The following CUX1 variants were observed in gnomAD, a reference collection of about 807,000 sequenced individuals.
CUX1 encodes protein CASP.
Under a neutral mutation model 158.8 loss-of-function variants are expected in CUX1, and 31 were observed. That is an observed-to-expected ratio of 0.20 (90% CI 0.15 to 0.26). The LOEUF (loss-of-function observed/expected upper bound fraction) is 0.26, where lower values mean the gene tolerates loss of function less well. Ranked by LOEUF, CUX1 falls within the 10% of genes least tolerant of loss-of-function variation. CUX1 has a pLI of 1.00. For missense variants in CUX1, 1,589 were observed against 2,014.6 expected, an observed-to-expected ratio of 0.79 and a Z score of 4.04; for synonymous variants, 879 against 862.1, an observed-to-expected ratio of 1.02 and a Z score of -0.34.
intron 2 of CUX1, among the ~76,000 whole-genome samples, chr7:102,007,201 G>T (rs997122485): frequency 6.6e-6 from 1 of 152,172 alleles, no homozygotes; most frequent in African/African-American, 2.4e-5. Flanking sequence ...GAGTGCAGGG[G>T]CGCGATCCTG....
chr7:102,043,172 A>C (rs1822319155), intron 3 of CUX1, among the ~76,000 whole-genome samples: 1 of 151,916 alleles, frequency 6.6e-6, no homozygotes. Flanking sequence ...GCTGGTCTTG[A>C]ACTCCTGACC....
At position 101,949,593 on chromosome 7, in the gene CUX1, C is replaced by T. The variant is rs994096076; in HGVS notation, c.141+33368C>T. Among the ~76,000 whole-genome samples the T allele has an allele frequency of 7.3e-5, 11 of 150,094 alleles. No individual in the cohort carries two copies. In the East Asian group the frequency reaches 7.9e-4, roughly 11 times the overall value. On this transcript the variant is annotated intron_variant, in intron 2 of 23. Coordinates refer to ENST00000292535, the MANE Select transcript of CUX1 (RefSeq NM_181552.4). ...TCGCCCAGGCTGGAATGTAGTGGCA[C>T]GATATTGGCTCACTGCAACCTCCAC...
At chr7:101,889,103 A>C (rs72603510) in intron 1 of CUX1, among the ~76,000 whole-genome samples, 28,419 of 151,164 alleles carry the variant, frequency 0.19, 4,343 homozygotes, top group East Asian at 0.84. Flanking sequence ...CCGTCTCTAC[A>C]AGAAAATTAA....
At chr7:102,015,820 T>G (rs1818520425) in intron 2 of CUX1, among the ~76,000 whole-genome samples, 1 of 152,118 alleles carries the variant, frequency 6.6e-6, no homozygotes, top group Non-Finnish European at 1.5e-5. Context: ...TCTTTTTTTC[T>G]TTTTCTTTTT....
At chr7:102,162,727 G>T (rs1240112128) in intron 9 of CUX1, among the ~76,000 whole-genome samples, 1 of 152,044 alleles carries the variant, frequency 6.6e-6, no homozygotes, top group Non-Finnish European at 1.5e-5. Context: ...GTTTGCCCAG[G>T]CTGCTCTTGA....
At chr7:101,996,631 T>A (rs1291121640) in intron 2 of CUX1, among the ~76,000 whole-genome samples, 1 of 145,030 alleles carries the variant, frequency 6.9e-6, no homozygotes, top group Admixed American at 6.9e-5. Context: ...CCTCCCTCCC[T>A]CCCTCATTTC....
chr7:102,026,274 A>G (rs1261129051), intron 2 of CUX1, among the ~76,000 whole-genome samples: 5 of 152,218 alleles, frequency 3.3e-5, no homozygotes, highest in African/African-American at 9.6e-5. Flanking sequence ...AGTAGCCACC[A>G]GCAACGGGTG....
intron 1 of CUX1, among the ~76,000 whole-genome samples, chr7:101,883,597 G>T (rs199773099): frequency 1.7e-5 from 1 of 59,592 alleles, no homozygotes; most frequent in East Asian, 8.9e-3. Flanking sequence ...ATTTTTTTTT[G>T]AAATTTTAAA....
intron 1 of CUX1, among the ~76,000 whole-genome samples, chr7:101,852,753 T>C (rs1448197336): frequency 1.4e-5 from 2 of 139,762 alleles, no homozygotes; most frequent in African/African-American, 5.2e-5. Flanking sequence ...CTTGGTTCAC[T>C]GCAACCTCCA....
chr7:102,214,058 C>T (rs1796807467), intron 20 of CUX1, among the ~76,000 whole-genome samples: 1 of 152,022 alleles, frequency 6.6e-6, no homozygotes, highest in Non-Finnish European at 1.5e-5. Context: ...TTAACTCGAA[C>T]CCAGAGGTGG....
chr7:102,131,780 C>A (rs1267944422), intron 8 of CUX1, among the ~76,000 whole-genome samples: 2 of 151,298 alleles, frequency 1.3e-5, no homozygotes, highest in Non-Finnish European at 2.9e-5. Context: ...TCAAGCAGTT[C>A]TCCTGCCTCA....
intron 2 of CUX1, among the ~76,000 whole-genome samples, chr7:101,979,373 C>G (rs1277157214): frequency 1.3e-5 from 2 of 152,158 alleles, no homozygotes; most frequent in Non-Finnish European, 2.9e-5. Flanking sequence ...GAATTGTTGG[C>G]AAAAGCCCAA....
At position 101,817,714 on chromosome 7, in the gene CUX1, G is replaced by A; in HGVS notation, c.30+45G>A. ...GAAGTCCCGAGGTTGCAGGCGCGGA[G>A]GGAACCGGGGATGTCGGGGGGTGCC... On this transcript the variant is annotated intron_variant, in intron 1 of 23. Coordinates refer to ENST00000292535, the MANE Select transcript of CUX1 (RefSeq NM_181552.4). This position sits in a 1 kb window ranked among gnomAD's most constrained non-coding sequence, Gnocchi z 4.1. The A allele has an allele frequency of 6.5e-7, 1 of 1,546,342 alleles. No homozygotes were observed. The highest frequency in any genetic ancestry group is 2.5e-5 in the East Asian group (1 of 40,754).
chr7:102,173,860 G>A (rs1167950399), intron 10 of CUX1, among the ~76,000 whole-genome samples: 5 of 152,184 alleles, frequency 3.3e-5, no homozygotes, highest in African/African-American at 9.7e-5. Flanking sequence ...CCCCGCGGGC[G>A]TGTATTCCCA....
chr7:102,035,537 T>C (rs1821330051), intron 3 of CUX1, among the ~76,000 whole-genome samples: 1 of 151,480 alleles, frequency 6.6e-6, no homozygotes, highest in Non-Finnish European at 1.5e-5. Flanking sequence ...GAGCCTCAAT[T>C]ATTTAACCAG....
chr7:102,240,005 C>T (rs112284461), intron 23 of CUX1, among the ~76,000 whole-genome samples: 15,400 of 152,128 alleles, frequency 0.1, 1,121 homozygotes, highest in African/African-American at 0.2. Flanking sequence ...ACCTCGGCCC[C>T]GCAAAGTGCT....
At chr7:102,237,899 A>T (rs1318907195) in intron 22 of CUX1, among the ~76,000 whole-genome samples, 1 of 100,966 alleles carries the variant, frequency 9.9e-6, no homozygotes, top group Non-Finnish European at 2.2e-5. Context: ...TCACATGTCC[A>T]CTGGACAGGG....
chr7:102,068,648 A>G (rs1377466492), intron 3 of CUX1, among the ~76,000 whole-genome samples: 2 of 152,138 alleles, frequency 1.3e-5, no homozygotes, highest in Non-Finnish European at 2.9e-5. Flanking sequence ...CCCTTAACAA[A>G]CTGCCCGGTG....
At chr7:102,010,163 G>A (rs1817828355) in intron 2 of CUX1, among the ~76,000 whole-genome samples, 1 of 152,064 alleles carries the variant, frequency 6.6e-6, no homozygotes, top group Admixed American at 6.6e-5. Flanking sequence ...GGAGGCGGGG[G>A]TGGGCAGATC....
Sources: allele counts gnomAD v4.1 joint callset (sites outside exome capture counted in the v4.1 genomes callset), GRCh38; gene constraint gnomAD v4.1.1; non-coding constraint Gnocchi (gnomAD v3.1); transcripts MANE v1.5; gene names NCBI Gene and HGNC (gene_info 2026-07-23, HGNC 2026-07-21).